PCDHGA2: variants seen among roughly 807,000 people sequenced by gnomAD.
The protein encoded by PCDHGA2 is protocadherin gamma-A2.
In PCDHGA2, 40 loss-of-function variants were observed where a neutral mutation model predicts 59.2. The observed-to-expected ratio is 0.68, with a 90% CI of 0.52 to 0.88. The LOEUF is 0.88. PCDHGA2 is among the 40% of genes least tolerant of loss of function. PCDHGA2 has a pLI of 0.00. For missense variants in PCDHGA2, 1,226 were observed against 1,204.0 expected, an observed-to-expected ratio of 1.02 and a Z score of -0.27; for synonymous variants, 560 against 526.0, an observed-to-expected ratio of 1.06 and a Z score of -0.89.
chr5:141,404,071 C>T, intron 1 of PCDHGA2: 2 of 1,613,734 alleles, frequency 1.2e-6, no homozygotes, highest in Non-Finnish European at 1.7e-6. Context: ...ATGCTCATGA[C>T]CGAGACTCCG....
chr5:141,395,041 T>C (rs2093154278), intron 1 of PCDHGA2: 1 of 1,613,994 alleles, frequency 6.2e-7, no homozygotes, highest in South Asian at 1.1e-5. Flanking sequence ...TTTGTGGGTG[T>C]TGAGGAGGTA....
chr5:141,350,281 C>T (rs1248847691), intron 1 of PCDHGA2: 2 of 1,511,576 alleles, frequency 1.3e-6, no homozygotes, highest in African/African-American at 1.4e-5. Flanking sequence ...CCAGAGAAGC[C>T]GAAATGATGA....
chr5:141,478,657 G>A, intron 1 of PCDHGA2: 2 of 1,551,912 alleles, frequency 1.3e-6, no homozygotes, highest in Non-Finnish European at 1.7e-6. Flanking sequence ...TCCTGGTGAT[G>A]CATTCACACT....
At chr5:141,410,425 C>G (rs779212749) in intron 1 of PCDHGA2, 1 of 1,614,030 alleles carries the variant, frequency 6.2e-7, no homozygotes, top group South Asian at 1.1e-5. Flanking sequence ...TAGTTCCCCC[C>G]AACTACAGTG....
chr5:141,416,615 C>T (rs1156238298), intron 1 of PCDHGA2: 1 of 152,088 alleles, frequency 6.6e-6, no homozygotes, highest in Non-Finnish European at 1.5e-5. Context: ...AATGCCATTT[C>T]TGCAGATCAG....
chr5:141,376,171 G>A (rs758847977), intron 1 of PCDHGA2: 1 of 1,614,096 alleles, frequency 6.2e-7, no homozygotes, highest in Non-Finnish European at 8.5e-7. Context: ...TGGTGGTGGC[G>A]GTGGCCGCGG....
chr5:141,457,680 G>A lies in PCDHGA2; in HGVS notation c.2425-37127G>A, dbSNP rs866876250. 2.6e-5 allele frequency among the ~76,000 whole-genome samples: 4 copies of A among 152,290 alleles called. No individual in the cohort carries two copies. The South Asian group carries it at 8.3e-4, about 32-fold the overall frequency. On this transcript the variant is annotated intron_variant, in intron 1 of 3. Coordinates refer to ENST00000394576, the MANE Select transcript of PCDHGA2 (RefSeq NM_018915.4). The stretch of plus-strand genomic sequence containing the variant: ...AGCAAGAATGGTTATTTCTACATAG[G>A]ACTTTTGGATTGGCTTTGATGAAAC...
chr5:141,404,242 G>A (rs372976589), intron 1 of PCDHGA2: 30 of 1,613,344 alleles, frequency 1.9e-5, no homozygotes, highest in Non-Finnish European at 2.4e-5. Flanking sequence ...GAGGAACTCC[G>A]CCCCTGTCCA....
chr5:141,464,053 T>C (rs111614367), intron 1 of PCDHGA2, among the ~76,000 whole-genome samples: 9,857 of 152,054 alleles, frequency 0.065, 668 homozygotes, highest in African/African-American at 0.17. Flanking sequence ...TCACCTGAGG[T>C]CAGGAGTTCA....
At chr5:141,429,945 T>C (rs1443623730) in intron 1 of PCDHGA2, among the ~76,000 whole-genome samples, 1 of 152,222 alleles carries the variant, frequency 6.6e-6, no homozygotes, top group East Asian at 1.9e-4. Flanking sequence ...ACTTCCATTA[T>C]TTCCAGTCAA....
At position 141,432,298 on chromosome 5, in the gene PCDHGA2, A is replaced by G; in HGVS notation, c.2425-62509A>G. 6.2e-7 allele frequency: 1 copy of G among 1,614,236 alleles called. No homozygotes were observed. The highest frequency in any genetic ancestry group is 8.5e-7 in the Non-Finnish European group (1 of 1,180,036). The stretch of plus-strand genomic sequence containing the variant: ...TGTCCATCAACTCCGACACTGGGGT[A>G]CTGTATGCGCTGAGCTCCTTCGACT... On this transcript the variant is annotated intron_variant, in intron 1 of 3. Transcript: ENST00000394576. This position sits in a 1 kb window ranked among gnomAD's most constrained non-coding sequence, Gnocchi z 6.0.
chr5:141,393,450 A>G, intron 1 of PCDHGA2: 1 of 1,614,028 alleles, frequency 6.2e-7, no homozygotes, highest in Non-Finnish European at 8.5e-7. Context: ...CCTGGTCCTC[A>G]CGGCCTCGGA....
intron 1 of PCDHGA2, among the ~76,000 whole-genome samples, chr5:141,474,266 G>A (rs1420620306): frequency 6.6e-6 from 1 of 152,186 alleles, no homozygotes; most frequent in Non-Finnish European, 1.5e-5. Context: ...ATAAACCAGT[G>A]TATCTCTGAA....
chr5:141,372,122 T>C, intron 1 of PCDHGA2: 1 of 1,613,748 alleles, frequency 6.2e-7, no homozygotes, highest in Non-Finnish European at 8.5e-7. Context: ...CGCTCTTCGA[T>C]ATGGTGCCGC....
intron 1 of PCDHGA2, chr5:141,409,586 G>C: frequency 6.2e-7 from 1 of 1,613,908 alleles, no homozygotes; most frequent in Non-Finnish European, 8.5e-7. Flanking sequence ...GGTCCACGTG[G>C]CCGAGAACAA....
In PCDHGA2 at chr5:141,395,071, A is replaced by G. The variant is rs767254764; in HGVS notation, c.2424+53676A>G. 27 of 1,614,100 alleles carry G rather than the reference A, an allele frequency of 1.7e-5. No individual in the cohort carries two copies. Among genetic ancestry groups the G allele is most frequent in the East Asian group, 2.2e-5 (1 of 44,880 alleles). The stretch of plus-strand genomic sequence containing the variant: ...GAGGTACAGGCTTTCCTGCAGACCT[A>G]TTCCCAGGAAGTCTCCCTCACCGCC... On this transcript the variant is annotated intron_variant, in intron 1 of 3. Transcript: ENST00000394576.
chr5:141,491,479 C>T lies in PCDHGA2; in HGVS notation c.2425-3328C>T. On this transcript the variant is annotated intron_variant, in intron 1 of 3. Transcript: ENST00000394576. The surrounding 1 kb of genome is among the most constrained non-coding windows in gnomAD (Gnocchi z 6.9). ...CCCGGACTTCTATAAGCAGTCCAGCCCCAACCTGCAGGTGAGCTCGGACGG... is the reference window on the plus strand; with the variant it reads ...CCCGGACTTCTATAAGCAGTCCAGCTCCAACCTGCAGGTGAGCTCGGACGG... 1 of 1,614,144 alleles carries T rather than the reference C, an allele frequency of 6.2e-7. No homozygotes were observed. Among genetic ancestry groups the T allele is most frequent in the Non-Finnish European group, 8.5e-7 (1 of 1,180,024 alleles).
chr5:141,400,322 G>T lies in PCDHGA2; in HGVS notation c.2424+58927G>T, dbSNP rs1025265322. The stretch of plus-strand genomic sequence containing the variant: ...CAACCTGGTCTCTGTGTCAAGTCTG[G>T]ACCTGTGGTTCCCCCCAACTACAGT... On this transcript the variant is annotated intron_variant, in intron 1 of 3. Transcript: ENST00000394576. 1.9e-6 allele frequency: 3 copies of T among 1,613,952 alleles called. No homozygotes were observed. In the African/African-American group the frequency reaches 4.0e-5, roughly 22 times the overall value.
At chr5:141,403,276 C>T (rs1331205396) in intron 1 of PCDHGA2, 3 of 1,613,844 alleles carry the variant, frequency 1.9e-6, no homozygotes, top group Non-Finnish European at 2.5e-6. Context: ...ACTTTAAAGT[C>T]CTGGTTGAAG....
Sources: gnomAD v4.1 joint callset for allele counts (sites outside exome capture counted in the v4.1 genomes callset) on GRCh38, gnomAD v4.1.1 for gene constraint, Gnocchi (gnomAD v3.1) non-coding constraint, MANE v1.5 for transcripts, NCBI Gene and HGNC (gene_info 2026-07-23, HGNC 2026-07-21) for gene names.